NRXN3: variants seen among roughly 807,000 people sequenced by gnomAD.
NRXN3 encodes neurexin 3.
Under a neutral mutation model 137.6 loss-of-function variants are expected in NRXN3, and 32 were observed. The observed-to-expected ratio is 0.23, with a 90% CI of 0.18 to 0.31. The LOEUF (loss-of-function observed/expected upper bound fraction) is 0.31, where lower values mean the gene tolerates loss of function less well. Among genes scored for constraint, NRXN3 ranks in the 10% least tolerant of loss-of-function variants. The pLI, the probability that NRXN3 is intolerant of heterozygous loss-of-function variation, is 1.00. For missense variants in NRXN3, 1,574 were observed against 2,062.5 expected (o/e 0.76, Z 4.59); for synonymous variants, 798 against 784.5 (o/e 1.02, Z -0.29).
intron 1 of NRXN3, among the ~76,000 whole-genome samples, chr14:78,240,351 A>G (rs965946884): frequency 6.6e-6 from 1 of 152,204 alleles, no homozygotes; most frequent in Non-Finnish European, 1.5e-5. Context: ...GTGGCCAACC[A>G]GGAGATTCAT....
intron 15 of NRXN3, among the ~76,000 whole-genome samples, chr14:79,369,542 ACT>A (rs1234476151): frequency 1.3e-5 from 2 of 152,212 alleles, no homozygotes; most frequent in African/African-American, 4.8e-5. Flanking sequence ...AGACAGAGAC[ACT>A]GAGAAATTTT....
At chr14:78,790,469 T>A (rs1343961553) in intron 8 of NRXN3, among the ~76,000 whole-genome samples, 1 of 152,132 alleles carries the variant, frequency 6.6e-6, no homozygotes, top group Non-Finnish European at 1.5e-5. Context: ...CCTGGAACCG[T>A]TGGGTCTGTT....
intron 15 of NRXN3, among the ~76,000 whole-genome samples, chr14:79,113,483 A>C (rs1024708904): frequency 6.6e-6 from 1 of 152,122 alleles, no homozygotes; most frequent in Non-Finnish European, 1.5e-5. Context: ...TGACCTTTAA[A>C]TTGTCTCCTT....
rs2099413368 is a variant in NRXN3, at chr14:79,861,227, G to A, written c.4094-115G>A. Reference sequence around the variant, plus strand: ...TTGCTTGTCGGACCAAGGCAGCGATGGTTGTGATGATGATGGCTTGGTGAT... The same window carrying A: ...TTGCTTGTCGGACCAAGGCAGCGATAGTTGTGATGATGATGGCTTGGTGAT... On this transcript the variant is annotated intron_variant, in intron 20 of 20. Coordinates refer to ENST00000335750, the MANE Select transcript of NRXN3 (RefSeq NM_001330195.2). The surrounding 1 kb of genome is among the most constrained non-coding windows in gnomAD (Gnocchi z 5.4). The A allele has an allele frequency of 6.5e-7, 1 of 1,535,304 alleles. No homozygotes were observed. Among genetic ancestry groups the A allele is most frequent in the Non-Finnish European group, 8.7e-7 (1 of 1,146,436 alleles).
chr14:78,502,150 T>A (rs2095890418), intron 4 of NRXN3, among the ~76,000 whole-genome samples: 2 of 152,086 alleles, frequency 1.3e-5, no homozygotes, highest in Non-Finnish European at 2.9e-5. Flanking sequence ...ATCTGCCGTG[T>A]TGAGAGGCCT....
At chr14:79,707,839 AAAGGAG>A (rs949703512) in intron 19 of NRXN3, among the ~76,000 whole-genome samples, 189 of 152,298 alleles carry the variant, frequency 1.2e-3, no homozygotes, top group African/African-American at 4.4e-3. Context: ...GAAGTAAAAG[AAAGGAG>A]AAGAAGTAAA....
intron 3 of NRXN3, among the ~76,000 whole-genome samples, chr14:78,280,867 A>T (rs1282226344): frequency 6.6e-6 from 1 of 152,080 alleles, no homozygotes; most frequent in Non-Finnish European, 1.5e-5. Flanking sequence ...TTTCAATTTC[A>T]TGGCTGTTGT....
chr14:79,216,704 T>C (rs969497285), intron 15 of NRXN3, among the ~76,000 whole-genome samples: 2 of 152,328 alleles, frequency 1.3e-5, no homozygotes, highest in South Asian at 4.1e-4. Context: ...TAAGATGATA[T>C]ATGGCAACCA....
chr14:79,345,243 G>A (rs1402996959), intron 15 of NRXN3, among the ~76,000 whole-genome samples: 1 of 151,908 alleles, frequency 6.6e-6, no homozygotes, highest in Non-Finnish European at 1.5e-5. Context: ...ACACCCTTTC[G>A]TGTTTCAAAT....
chr14:79,688,901 T>A (rs2098705488), intron 17 of NRXN3, among the ~76,000 whole-genome samples: 1 of 152,108 alleles, frequency 6.6e-6, no homozygotes, highest in Admixed American at 6.6e-5. Flanking sequence ...CACACATATA[T>A]TTAAGTACAA....
intron 15 of NRXN3, among the ~76,000 whole-genome samples, chr14:79,183,500 G>A (rs575328267): frequency 7.2e-5 from 11 of 152,200 alleles, no homozygotes; most frequent in Non-Finnish European, 1.3e-4. Context: ...TCTGACAAAT[G>A]CTCAGTAAAC....
intron 4 of NRXN3, among the ~76,000 whole-genome samples, chr14:78,576,701 A>G (rs1340898380): frequency 6.6e-6 from 1 of 152,232 alleles, no homozygotes; most frequent in Non-Finnish European, 1.5e-5. Context: ...TCATGTGATT[A>G]AGCCCAGTGT....
At chr14:79,029,967 C>T (rs1008727546) in intron 15 of NRXN3, among the ~76,000 whole-genome samples, 2 of 151,852 alleles carry the variant, frequency 1.3e-5, no homozygotes, top group Non-Finnish European at 2.9e-5. Flanking sequence ...CTGTCTTAGC[C>T]CCCCCAAGTA....
At chr14:78,483,190 A>C (rs1285526248) in intron 4 of NRXN3, among the ~76,000 whole-genome samples, 1 of 152,174 alleles carries the variant, frequency 6.6e-6, no homozygotes, top group Non-Finnish European at 1.5e-5. Context: ...CAGAACAACA[A>C]AACCCCAAAA....
chr14:78,340,967 T>C (rs1287431375), intron 4 of NRXN3, among the ~76,000 whole-genome samples: 1 of 152,158 alleles, frequency 6.6e-6, no homozygotes, highest in African/African-American at 2.4e-5. Context: ...CAAATAAAAA[T>C]ATAGGACACT....
chr14:79,746,704 T>C (rs958055184), intron 19 of NRXN3, among the ~76,000 whole-genome samples: 28 of 152,168 alleles, frequency 1.8e-4, no homozygotes, highest in African/African-American at 6.0e-4. Context: ...AGCTGGTAGC[T>C]GTTCCCTGTT....
chr14:78,197,572 G>C (rs1364971491), intron 1 of NRXN3, among the ~76,000 whole-genome samples: 1 of 152,222 alleles, frequency 6.6e-6, no homozygotes, highest in East Asian at 1.9e-4. Context: ...CATGTCTAAA[G>C]TACCCAAGTC....
At chr14:79,618,320 T>C (rs1353889867) in intron 16 of NRXN3, among the ~76,000 whole-genome samples, 4 of 152,070 alleles carry the variant, frequency 2.6e-5, no homozygotes, top group African/African-American at 9.7e-5. Context: ...TAGTCAATAG[T>C]CAGGTTTTCA....
intron 15 of NRXN3, among the ~76,000 whole-genome samples, chr14:79,095,285 T>C (rs1175016224): frequency 6.6e-6 from 1 of 152,170 alleles, no homozygotes; most frequent in Non-Finnish European, 1.5e-5. Flanking sequence ...TTATTATTCT[T>C]ATTTAGCACT....
Sources: allele counts gnomAD v4.1 joint callset (sites outside exome capture counted in the v4.1 genomes callset), GRCh38; gene constraint gnomAD v4.1.1; non-coding constraint Gnocchi (gnomAD v3.1); transcripts MANE v1.5; gene names NCBI Gene and HGNC (gene_info 2026-07-23, HGNC 2026-07-21).